The following PRR16 variants were observed in gnomAD, a reference collection of about 807,000 sequenced individuals.
The protein encoded by PRR16 is protein Largen.
In PRR16, 6 loss-of-function variants were observed where a neutral mutation model predicts 18.2. That is an observed-to-expected ratio of 0.33 (90% CI 0.18 to 0.65). PRR16 has a LOEUF of 0.65. Among genes scored for constraint, PRR16 ranks in the 30% least tolerant of loss-of-function variants. The pLI is 0.74. For synonymous variants in PRR16, 151 were observed against 147.8 expected, an observed-to-expected ratio of 1.02 and a Z score of -0.16; for missense variants, 412 against 376.6, an observed-to-expected ratio of 1.09 and a Z score of -0.78.
chr5:120,515,455 G>A (rs1245135610), intron 1 of PRR16, among the ~76,000 whole-genome samples: 6 of 151,990 alleles, frequency 3.9e-5, no homozygotes, highest in African/African-American at 1.2e-4. Flanking sequence ...ATAAATCATT[G>A]AAAATTGATA....
intron 1 of PRR16, among the ~76,000 whole-genome samples, chr5:120,663,182 G>T (rs1009755272): frequency 6.6e-6 from 1 of 151,696 alleles, no homozygotes; most frequent in Admixed American, 6.6e-5. Context: ...TTTAGGGTCT[G>T]TACCAAGTCA....
At chr5:120,701,536 C>G in the PRR16 span, among the ~76,000 whole-genome samples, 2 of 152,048 alleles carry the variant, frequency 1.3e-5, no homozygotes, top group South Asian at 2.1e-4. Context: ...AGTCACGGAA[C>G]GAAACTGAAA....
chr5:120,717,698 A>T, the PRR16 span, among the ~76,000 whole-genome samples: 131 of 152,286 alleles, frequency 8.6e-4, 1 homozygote, highest in South Asian at 0.012. Context: ...TTTGTGAAGA[A>T]TTTGATGTAA....
intron 1 of PRR16, among the ~76,000 whole-genome samples, chr5:120,544,906 C>T (rs553125776): frequency 6.6e-6 from 1 of 152,188 alleles, no homozygotes; most frequent in South Asian, 2.1e-4. Context: ...ATGATTTTCC[C>T]ACATACAGAT....
At chr5:120,634,473 A>G (rs1257585480) in intron 1 of PRR16, among the ~76,000 whole-genome samples, 2 of 152,080 alleles carry the variant, frequency 1.3e-5, no homozygotes, top group African/African-American at 2.4e-5. Flanking sequence ...GTGAAACGCC[A>G]TCTCTACTAA....
At chr5:120,634,470 G>A (rs566869910) in intron 1 of PRR16, among the ~76,000 whole-genome samples, 40 of 151,982 alleles carry the variant, frequency 2.6e-4, no homozygotes, top group Admixed American at 2.1e-3. Context: ...ATGGTGAAAC[G>A]CCATCTCTAC....
At chr5:120,661,775 C>G (rs72794345) in intron 1 of PRR16, among the ~76,000 whole-genome samples, 16,167 of 152,070 alleles carry the variant, frequency 0.11, 1,128 homozygotes, top group Non-Finnish European at 0.14. Context: ...TATTTCCCCT[C>G]TAGATCACGC....
At chr5:120,504,668 A>T (rs1403848773) in intron 1 of PRR16, among the ~76,000 whole-genome samples, 6 of 152,182 alleles carry the variant, frequency 3.9e-5, no homozygotes, top group Admixed American at 3.3e-4. Context: ...TCAAGCAAAA[A>T]TTCAGAGAAG....
the PRR16 span, among the ~76,000 whole-genome samples, chr5:120,746,003 C>T: frequency 3.3e-5 from 5 of 151,938 alleles, no homozygotes; most frequent in Non-Finnish European, 7.4e-5. Flanking sequence ...TGAACCACCA[C>T]GTGTGGCCTT....
the PRR16 span, among the ~76,000 whole-genome samples, chr5:120,700,238 T>C: frequency 5.1e-4 from 78 of 152,154 alleles, 1 homozygote; most frequent in African/African-American, 1.9e-3. Context: ...AATGGGGGCA[T>C]TGTCAGGAGA....
downstream of PRR16, among the ~76,000 whole-genome samples, chr5:120,691,677 A>G (rs547342790): frequency 5.3e-5 from 8 of 152,258 alleles, no homozygotes; most frequent in East Asian, 1.4e-3. Context: ...CTCTAATAAA[A>G]GCATTTCTAT....
chr5:120,538,320 T>C (rs1751795381), intron 1 of PRR16, among the ~76,000 whole-genome samples: 1 of 152,200 alleles, frequency 6.6e-6, no homozygotes, highest in South Asian at 2.1e-4. Flanking sequence ...GGGAAGCTCT[T>C]GAGAAAACAT....
the PRR16 span, among the ~76,000 whole-genome samples, chr5:120,781,702 T>C: frequency 2.8e-5 from 4 of 141,976 alleles, no homozygotes. Context: ...TCAATATACA[T>C]ATGTGAAAAA....
chr5:120,757,672 A>G, the PRR16 span, among the ~76,000 whole-genome samples: 1 of 152,096 alleles, frequency 6.6e-6, no homozygotes, highest in Non-Finnish European at 1.5e-5. Flanking sequence ...GATATTCTTC[A>G]TTTAATTTTA....
the PRR16 span, among the ~76,000 whole-genome samples, chr5:120,771,144 T>G: frequency 0.27 from 40,473 of 151,916 alleles, 5,701 homozygotes; most frequent in Non-Finnish European, 0.3. Context: ...AATAAACCAA[T>G]GGACAGAAAT....
intron 1 of PRR16, among the ~76,000 whole-genome samples, chr5:120,530,584 A>T (rs1388741496): frequency 6.6e-6 from 1 of 151,942 alleles, no homozygotes; most frequent in Non-Finnish European, 1.5e-5. Context: ...AAAAAATTAG[A>T]TTAAGTGTGA....
intron 1 of PRR16, among the ~76,000 whole-genome samples, chr5:120,535,370 G>A (rs184956502): frequency 9.9e-4 from 151 of 152,180 alleles, no homozygotes; most frequent in African/African-American, 3.4e-3. Flanking sequence ...TTCTTACTCT[G>A]TAATTGTTTT....
At chr5:120,472,011 A>G (rs1749285893) in intron 1 of PRR16, among the ~76,000 whole-genome samples, 1 of 152,154 alleles carries the variant, frequency 6.6e-6, no homozygotes, top group African/African-American at 2.4e-5. Context: ...AAGAAATATT[A>G]ACACTGTTAG....
chr5:120,794,301 C>T, the PRR16 span, among the ~76,000 whole-genome samples: 2 of 152,072 alleles, frequency 1.3e-5, no homozygotes, highest in African/African-American at 4.8e-5. Context: ...GTGCTTCAGA[C>T]AGATGTTGTG....
Sources: allele counts gnomAD v4.1 joint callset (sites outside exome capture counted in the v4.1 genomes callset), GRCh38; gene constraint gnomAD v4.1.1; transcripts MANE v1.5; gene names NCBI Gene and HGNC (gene_info 2026-07-23, HGNC 2026-07-21).